Variants in KCTD16 observed in about 807,000 individuals in gnomAD.
KCTD16 encodes potassium channel tetramerization domain containing 16.
A neutral mutation model predicts 33.2 loss-of-function variants in KCTD16; 13 were observed. The observed-to-expected ratio is 0.39, with a 90% CI of 0.25 to 0.62. KCTD16 has a LOEUF of 0.62. KCTD16 is among the 20% of genes least tolerant of loss of function. The pLI, the probability that KCTD16 is intolerant of heterozygous loss-of-function variation, is 0.50. For synonymous variants in KCTD16, 197 were observed against 195.3 expected (o/e 1.01, Z -0.07); for missense variants, 441 against 525.1 (o/e 0.84, Z 1.57).
Position 144,206,623 on chromosome 5 carries a change from TC to T in KCTD16, c.-89del, listed in dbSNP as rs778028583. 1.2e-5 allele frequency: 13 copies of T among 1,102,056 alleles called. No individual in the cohort carries two copies. Among genetic ancestry groups the T allele is most frequent in the Non-Finnish European group, 1.6e-5 (12 of 758,650 alleles). The allele number at this position is 1,102,056 out of a possible 1,614,324, so 68.3% of individuals were successfully genotyped here. A position where few individuals can be genotyped will look rare whatever the true frequency, so the allele number is the denominator to read the frequency against. On this transcript the variant is annotated 5_prime_UTR_variant, in exon 3 of 4. Coordinates refer to ENST00000512467, the MANE Select transcript of KCTD16 (RefSeq NM_020768.4). ...ATTTTTTAATAAGTTAGCATCCTTT[TC>T]CCTTTCTTACAAGTTGATCCAAAGG...
intron 3 of KCTD16, among the ~76,000 whole-genome samples, chr5:144,375,441 G>C (rs931622205): frequency 1.3e-5 from 2 of 152,122 alleles, no homozygotes; most frequent in Non-Finnish European, 2.9e-5. Flanking sequence ...ATGAGAAAAA[G>C]TCATGTCCCT....
intron 3 of KCTD16, among the ~76,000 whole-genome samples, chr5:144,383,842 G>A (rs562772514): frequency 6.6e-6 from 1 of 152,214 alleles, no homozygotes; most frequent in South Asian, 2.1e-4. Flanking sequence ...GACCATCTGA[G>A]CCGAGGCTTA....
intron 3 of KCTD16, among the ~76,000 whole-genome samples, chr5:144,396,061 A>T (rs894402601): frequency 1.3e-5 from 2 of 152,164 alleles, no homozygotes; most frequent in Non-Finnish European, 2.9e-5. Context: ...AAAAATTGCA[A>T]ACCCTGCTCT....
intron 3 of KCTD16, among the ~76,000 whole-genome samples, chr5:144,295,042 G>A (rs1175130643): frequency 6.6e-6 from 1 of 152,174 alleles, no homozygotes; most frequent in Non-Finnish European, 1.5e-5. Flanking sequence ...AAACTGCTGG[G>A]GATAGGCATG....
chr5:144,331,093 T>C (rs1752346959), intron 3 of KCTD16, among the ~76,000 whole-genome samples: 1 of 152,140 alleles, frequency 6.6e-6, no homozygotes, highest in East Asian at 1.9e-4. Flanking sequence ...GAAAGGAAAA[T>C]AGAGCAAAAG....
At chr5:144,417,381 C>G (rs1344042610) in intron 3 of KCTD16, among the ~76,000 whole-genome samples, 1 of 151,992 alleles carries the variant, frequency 6.6e-6, no homozygotes, top group Non-Finnish European at 1.5e-5. Flanking sequence ...TGAAATCAGG[C>G]ATCTTTTTAT....
intron 3 of KCTD16, among the ~76,000 whole-genome samples, chr5:144,365,009 C>T (rs1416979694): frequency 2.2e-5 from 3 of 134,996 alleles, no homozygotes; most frequent in East Asian, 2.2e-4. Flanking sequence ...TAATACAGAG[C>T]AGAGCAAATC....
chr5:144,326,524 A>G (rs1199587088), intron 3 of KCTD16, among the ~76,000 whole-genome samples: 1 of 152,156 alleles, frequency 6.6e-6, no homozygotes, highest in African/African-American at 2.4e-5. Flanking sequence ...TAAAATGGAA[A>G]TAAAATAAAT....
At chr5:144,183,622 C>T (rs889913157) in intron 2 of KCTD16, among the ~76,000 whole-genome samples, 6 of 152,090 alleles carry the variant, frequency 3.9e-5, no homozygotes, top group Admixed American at 1.3e-4. Flanking sequence ...CCAGAAAACT[C>T]GCGGGACTAG....
intron 3 of KCTD16, among the ~76,000 whole-genome samples, chr5:144,357,365 A>G (rs1474455528): frequency 6.6e-6 from 1 of 152,160 alleles, no homozygotes; most frequent in African/African-American, 2.4e-5. Flanking sequence ...CTCTAGAGCA[A>G]TTCCTGCTCA....
chr5:144,450,183 C>T (rs1424209854), intron 3 of KCTD16, among the ~76,000 whole-genome samples: 1 of 151,704 alleles, frequency 6.6e-6, no homozygotes, highest in African/African-American at 2.4e-5. Flanking sequence ...AAATGGCCAC[C>T]GGGTATATAA....
At chr5:144,180,476 G>A (rs1430731793) in intron 2 of KCTD16, among the ~76,000 whole-genome samples, 1 of 152,098 alleles carries the variant, frequency 6.6e-6, no homozygotes, top group African/African-American at 2.4e-5. Context: ...AAAACTCCAA[G>A]AAGACAAAAG....
At chr5:144,373,288 T>A (rs1752010406) in intron 3 of KCTD16, among the ~76,000 whole-genome samples, 1 of 152,120 alleles carries the variant, frequency 6.6e-6, no homozygotes, top group Admixed American at 6.5e-5. Context: ...GATAGTGATA[T>A]GATGCAAATG....
chr5:144,394,733 C>A (rs377433848), intron 3 of KCTD16, among the ~76,000 whole-genome samples: 3 of 152,178 alleles, frequency 2.0e-5, no homozygotes, highest in Admixed American at 1.3e-4. Context: ...CCTGCTTGCT[C>A]TTCTCTCTCC....
chr5:144,414,247 G>A lies in KCTD16; in HGVS notation c.833-59413G>A, dbSNP rs146797574. On this transcript the variant is annotated intron_variant, in intron 3 of 3. Coordinates refer to ENST00000512467, the MANE Select transcript of KCTD16 (RefSeq NM_020768.4). ...TTCATGTTTTCCTCTCCACGGTGTCGACATTGTATAGTATTATAAAATAGG... is the reference window on the plus strand; with the variant it reads ...TTCATGTTTTCCTCTCCACGGTGTCAACATTGTATAGTATTATAAAATAGG... Among the ~76,000 whole-genome samples, 146 of 152,166 alleles carry A rather than the reference G, an allele frequency of 9.6e-4. 2 individuals are homozygous for A. The East Asian group carries it at 0.024, about 25-fold the overall frequency.
chr5:144,388,030 C>A lies in KCTD16; in HGVS notation c.833-85630C>A, dbSNP rs1188833239. Among the ~76,000 whole-genome samples the A allele has an allele frequency of 3.7e-5, 5 of 135,660 alleles. No individual in the cohort carries two copies. The South Asian group carries it at 1.1e-3, about 31-fold the overall frequency. 89.0% of individuals were successfully genotyped at this position (135,660 alleles called of 152,430 possible). A position where few individuals can be genotyped will look rare whatever the true frequency, so the allele number is the denominator to read the frequency against. On this transcript the variant is annotated intron_variant, in intron 3 of 3. Transcript: ENST00000512467. Reference sequence around the variant, plus strand: ...ATAGAACCAATTATTTATTATTAATCGGGAAAAAAAATCCAGAGTTCAATT... The same window carrying A: ...ATAGAACCAATTATTTATTATTAATAGGGAAAAAAAATCCAGAGTTCAATT...
At chr5:144,347,645 T>G (rs996121316) in intron 3 of KCTD16, among the ~76,000 whole-genome samples, 3 of 152,016 alleles carry the variant, frequency 2.0e-5, no homozygotes, top group African/African-American at 7.2e-5. Context: ...GAAGCCAGAC[T>G]CATGAGAAGC....
intron 3 of KCTD16, among the ~76,000 whole-genome samples, chr5:144,354,058 G>A (rs908847701): frequency 5.3e-5 from 8 of 152,074 alleles, no homozygotes; most frequent in African/African-American, 1.9e-4. Context: ...ACATTAAAAT[G>A]TGGGGTGAAA....
At chr5:144,277,812 T>C (rs1270311375) in intron 3 of KCTD16, among the ~76,000 whole-genome samples, 1 of 152,242 alleles carries the variant, frequency 6.6e-6, no homozygotes, top group East Asian at 1.9e-4. Context: ...TTCTTTGCCA[T>C]ATGTATATCC....
Sources: gnomAD v4.1 joint callset for allele counts (sites outside exome capture counted in the v4.1 genomes callset) on GRCh38, gnomAD v4.1.1 for gene constraint, MANE v1.5 for transcripts, NCBI Gene and HGNC (gene_info 2026-07-23, HGNC 2026-07-21) for gene names.